CABLES1: variants seen among roughly 807,000 people sequenced by gnomAD.
CABLES1 encodes Cdk5 and Abl enzyme substrate 1.
CABLES1 carries 36 observed loss-of-function variants against 57.8 expected under a neutral mutation model. That is an observed-to-expected ratio of 0.62 (90% CI 0.48 to 0.82). The LOEUF is 0.82. CABLES1 is among the 40% of genes least tolerant of loss of function. The pLI is 0.00. For synonymous variants in CABLES1, 374 were observed against 363.0 expected (o/e 1.03, Z -0.35); for missense variants, 767 against 836.6 (o/e 0.92, Z 1.03).
At chr18:23,155,027 G>A (rs2046956579) in intron 1 of CABLES1, among the ~76,000 whole-genome samples, 1 of 152,132 alleles carries the variant, frequency 6.6e-6, no homozygotes, top group African/African-American at 2.4e-5. Flanking sequence ...TTGAATAATT[G>A]GGGCCTGGCA....
At chr18:23,159,537 T>C (rs1279435142) in intron 1 of CABLES1, among the ~76,000 whole-genome samples, 1 of 152,334 alleles carries the variant, frequency 6.6e-6, no homozygotes, top group East Asian at 1.9e-4. Flanking sequence ...TTACCCTAGA[T>C]GGTGTTTTCT....
At chr18:23,219,050 C>T (rs544849897) in intron 4 of CABLES1, 6 of 384,832 alleles carry the variant, frequency 1.6e-5, no homozygotes, top group Non-Finnish European at 2.6e-5. Context: ...TATCCCCACC[C>T]CCCCGCAAGT....
intron 1 of CABLES1, among the ~76,000 whole-genome samples, chr18:23,186,423 CTT>C (rs869108601): frequency 9.1e-5 from 13 of 143,452 alleles, no homozygotes; most frequent in Non-Finnish European, 7.7e-5. Flanking sequence ...CTTTTCTCTT[CTT>C]TTTTTTTTTT....
chr18:23,223,103 T>C (rs1008931614), intron 4 of CABLES1, among the ~76,000 whole-genome samples: 24 of 152,206 alleles, frequency 1.6e-4, no homozygotes, highest in Admixed American at 9.8e-4. Context: ...TCACACTGGC[T>C]TCTGCAGTCT....
intron 1 of CABLES1, among the ~76,000 whole-genome samples, chr18:23,141,718 C>T (rs913916759): frequency 6.6e-6 from 1 of 152,228 alleles, no homozygotes; most frequent in Non-Finnish European, 1.5e-5. Context: ...ACATAGGAAG[C>T]CTGCTCACTG....
intron 1 of CABLES1, among the ~76,000 whole-genome samples, chr18:23,144,921 C>T (rs1039977266): frequency 6.6e-6 from 1 of 151,784 alleles, no homozygotes; most frequent in Non-Finnish European, 1.5e-5. Context: ...TACCACACAT[C>T]CTTTTTTTTT....
intron 7 of CABLES1, among the ~76,000 whole-genome samples, chr18:23,245,737 T>C (rs138114484): frequency 2.2e-3 from 333 of 152,306 alleles, no homozygotes; most frequent in Non-Finnish European, 3.7e-3. Flanking sequence ...CATCTGACCT[T>C]CTCCTTTCCC....
intron 3 of CABLES1, among the ~76,000 whole-genome samples, chr18:23,206,860 G>C (rs2047367721): frequency 1.3e-5 from 2 of 149,520 alleles, no homozygotes; most frequent in Admixed American, 1.4e-4. Flanking sequence ...TGTCACCCAG[G>C]AATACAGTGG....
At chr18:23,167,960 A>G (rs1238816589) in intron 1 of CABLES1, among the ~76,000 whole-genome samples, 1 of 152,142 alleles carries the variant, frequency 6.6e-6, no homozygotes, top group African/African-American at 2.4e-5. Flanking sequence ...AACTCCATGG[A>G]GCTGAGCTGA....
intron 7 of CABLES1, among the ~76,000 whole-genome samples, chr18:23,244,677 G>T (rs925119342): frequency 6.6e-6 from 1 of 152,208 alleles, no homozygotes; most frequent in Non-Finnish European, 1.5e-5. Context: ...GCCTAATTTC[G>T]CAGTGGCTGT....
In CABLES1 at chr18:23,219,046, C is replaced by T. The variant is rs1048891284; in HGVS notation, c.1088+4992C>T. The stretch of plus-strand genomic sequence containing the variant: ...TTGCTATGTAAAATTTCTTTATCCC[C>T]ACCCCCCCGCAAGTGCCTTGCCATA... On this transcript the variant is annotated intron_variant, in intron 4 of 9. Transcript: ENST00000256925. The T allele has an allele frequency of 1.1e-5, 4 of 379,890 alleles. No homozygotes were observed. In the East Asian group the frequency reaches 2.9e-4, roughly 28 times the overall value. 23.5% of individuals were successfully genotyped at this position (379,890 alleles called of 1,614,324 possible).
chr18:23,171,159 C>G (rs540857033), intron 1 of CABLES1, among the ~76,000 whole-genome samples: 1 of 152,320 alleles, frequency 6.6e-6, no homozygotes, highest in African/African-American at 2.4e-5. Flanking sequence ...TTAACGTGAT[C>G]TGTAGATCCA....
At chr18:23,166,238 G>A (rs569754140) in intron 1 of CABLES1, among the ~76,000 whole-genome samples, 22 of 148,340 alleles carry the variant, frequency 1.5e-4, no homozygotes, top group East Asian at 3.9e-4. Flanking sequence ...TTTCACTCTC[G>A]TTGCCCAGGC....
chr18:23,164,934 GC>G (rs2047031277), intron 1 of CABLES1, among the ~76,000 whole-genome samples: 1 of 152,134 alleles, frequency 6.6e-6, no homozygotes, highest in Admixed American at 6.5e-5. Flanking sequence ...ACCATGCCCA[GC>G]TAACTTTTTG....
At chr18:23,194,416 G>T in intron 2 of CABLES1, 32 bp from the exon 3 acceptor site, 1 of 1,409,448 alleles carries the variant, frequency 7.1e-7, no homozygotes, top group South Asian at 1.2e-5. Flanking sequence ...GCAGGCAACT[G>T]ACTGTGTTTT....
intron 4 of CABLES1, among the ~76,000 whole-genome samples, chr18:23,233,455 C>A (rs1372857550): frequency 6.6e-6 from 1 of 152,170 alleles, no homozygotes; most frequent in East Asian, 1.9e-4. Flanking sequence ...GTTTCCTCCT[C>A]TGTAAATTGG....
chr18:23,190,798 G>T (rs1024568687), intron 2 of CABLES1, among the ~76,000 whole-genome samples: 2 of 151,990 alleles, frequency 1.3e-5, no homozygotes, highest in African/African-American at 2.4e-5. Flanking sequence ...GTTCTCAGCC[G>T]GGTGCAGTGG....
intron 7 of CABLES1, among the ~76,000 whole-genome samples, chr18:23,240,349 C>A (rs1052020057): frequency 4.3e-4 from 65 of 152,206 alleles, no homozygotes; most frequent in African/African-American, 1.5e-3. Context: ...GAAGTCGTTG[C>A]CCTTCCCCCT....
chr18:23,160,906 G>C (rs926921103), intron 1 of CABLES1, among the ~76,000 whole-genome samples: 1 of 152,190 alleles, frequency 6.6e-6, no homozygotes. Context: ...GGTTTCACAT[G>C]CCTGTAGTCC....
Sources: allele counts gnomAD v4.1 joint callset (sites outside exome capture counted in the v4.1 genomes callset), GRCh38; gene constraint gnomAD v4.1.1; transcripts MANE v1.5; gene names NCBI Gene and HGNC (gene_info 2026-07-23, HGNC 2026-07-21).